The following TLR4 variants were observed in gnomAD, a reference collection of about 807,000 sequenced individuals.
TLR4 encodes toll like receptor 4.
In TLR4, 17 loss-of-function variants were observed where a neutral mutation model predicts 27.4. That is an observed-to-expected ratio of 0.62 (90% CI 0.42 to 0.93). The LOEUF (loss-of-function observed/expected upper bound fraction) is 0.93, where lower values mean the gene tolerates loss of function less well. TLR4 is among the 40% of genes least tolerant of loss of function. The probability of loss-of-function intolerance (pLI) is 0.00; values close to 1 mark genes in which losing one functional copy is unlikely to be tolerated. For missense variants in TLR4, 926 were observed against 962.3 expected (o/e 0.96, Z 0.50); for synonymous variants, 363 against 365.7 (o/e 0.99, Z 0.08).
rs1280345843 is a variant in TLR4 at position 117,708,669 on chromosome 9, G to A, written c.200G>A (p.Arg67Lys). The A allele has an allele frequency of 1.2e-6, 2 of 1,613,926 alleles. No homozygotes were observed. The highest frequency in any genetic ancestry group is 1.7e-6 in the Non-Finnish European group (2 of 1,179,860). The change falls in exon 2 of 3, where the codon AGG becomes AAG. Residue 67 changes from arginine to lysine, a missense_variant. Transcript: ENST00000355622. ...CTGGACCTGAGCTTTAATCCCCTGA[G>A]GCATTTAGGCAGCTATAGCTTCTTC... ...KNLDLSFNPLRHLGSYSFFSF... is the reference protein window; with the variant it reads ...KNLDLSFNPLKHLGSYSFFSF...
rs200493176 is a variant in TLR4, at chr9:117,716,467, A to G, written c.*1819A>G. On this transcript the variant is annotated 3_prime_UTR_variant, in exon 3 of 3. Transcript: ENST00000355622. ...TATGTAAAATGAGCAAGTAACAGAA[A>G]GACAAATACTGCCTGATTTCATTTA... is the stretch of plus-strand genomic sequence containing the variant. 6.6e-6 allele frequency: 1 copy of G among 152,254 alleles called. No homozygotes were observed. Among genetic ancestry groups the G allele is most frequent in the African/African-American group, 2.4e-5 (1 of 41,466 alleles). The allele number at this position is 152,254 out of a possible 1,614,324, so 9.4% of individuals were successfully genotyped here. A position where few individuals can be genotyped will look rare whatever the true frequency, so the allele number is the denominator to read the frequency against.
rs765582937 is a variant in TLR4 at position 117,714,486 on chromosome 9, C to T, written c.2358C>T (p.Tyr786=). The T allele has an allele frequency of 1.9e-6, 3 of 1,613,786 alleles. No homozygotes were observed. The highest frequency in any genetic ancestry group is 2.2e-5 in the South Asian group (2 of 91,062). Residue 786 remains tyrosine, a synonymous_variant, in exon 3 of 3, where the codon TAC becomes TAT. Coordinates refer to ENST00000355622, the MANE Select transcript of TLR4 (RefSeq NM_138554.5). ...TGCTCAGGCAGCAGGTGGAGCTGTACCGCCTTCTCAGCAGGAACACTTACC... is the reference window on the plus strand; with the variant it reads ...TGCTCAGGCAGCAGGTGGAGCTGTATCGCCTTCTCAGCAGGAACACTTACC... ...KTLLRQQVEL[Y]RLLSRNTYLE...
rs749154041 is a variant in TLR4, at chr9:117,712,649, TGACCAATCTAGAGCACTTG to T, written c.526_544del (p.Asn176PhefsTer27). On this transcript the variant is annotated frameshift_variant, in exon 3 of 3. Coordinates refer to ENST00000355622, the MANE Select transcript of TLR4 (RefSeq NM_138554.5). LOFTEE classifies it low-confidence loss of function (END_TRUNC). ...AAATTACCTGAGTATTTTTCTAATC[TGACCAATCTAGAGCACTTG>T]GACCTTTCCAGCAACAAGATTCAAA... The T allele has an allele frequency of 1.4e-4, 220 of 1,613,984 alleles. 1 individual carries two copies. The South Asian group carries it at 2.3e-3, about 17-fold the overall frequency.
rs1259261976 is a variant in TLR4 at position 117,716,530 on chromosome 9, G to T, written c.*1882G>T. The T allele has an allele frequency of 3.3e-5, 5 of 152,164 alleles. No individual in the cohort carries two copies. Among genetic ancestry groups the T allele is most frequent in the African/African-American group, 1.2e-4 (5 of 41,442 alleles). 9.4% of individuals were successfully genotyped at this position (152,164 alleles called of 1,614,324 possible). On this transcript the variant is annotated 3_prime_UTR_variant, in exon 3 of 3. Coordinates refer to ENST00000355622, the MANE Select transcript of TLR4 (RefSeq NM_138554.5). ...AAATAGTCAAACTCATAGAAGCAGA[G>T]AATAGAACAGTGGTTCCTAGGGAAA...
In TLR4 at chr9:117,721,165, TGTTAGC is replaced by T. The variant is rs1829418546; in HGVS notation, c.*6520_*6525del. On this transcript the variant is annotated 3_prime_UTR_variant, in exon 3 of 3. Coordinates refer to ENST00000355622, the MANE Select transcript of TLR4 (RefSeq NM_138554.5). The stretch of plus-strand genomic sequence containing the variant: ...TATTGCATAATGGTTTAGTCTGGGC[TGTTAGC>T]GTAACCATCAACTGAACAGTGTACT... 1 of 152,216 alleles carries T rather than the reference TGTTAGC, an allele frequency of 6.6e-6. No homozygotes were observed. The highest frequency in any genetic ancestry group is 1.5e-5 in the Non-Finnish European group (1 of 68,030). The allele number at this position is 152,216 out of a possible 1,614,324, so 9.4% of individuals were successfully genotyped here. A position where few individuals can be genotyped will look rare whatever the true frequency, so the allele number is the denominator to read the frequency against.
At chr9:117,710,910 T>G (rs996477794) in intron 2 of TLR4, among the ~76,000 whole-genome samples, 2 of 152,144 alleles carry the variant, frequency 1.3e-5, no homozygotes, top group Non-Finnish European at 2.9e-5. Flanking sequence ...TTCTCTAAAG[T>G]GATTATCACC....
chr9:117,712,431 A>C lies in TLR4; in HGVS notation c.303A>C (p.Leu101=). ...TTGAAGATGGGGCATATCAGAGCCT[A>C]AGCCACCTCTCTACCTTAATATTGA... ...QTIEDGAYQS[L]SHLSTLILTG... is the part of the protein sequence containing the mutation. The change falls in exon 3 of 3, where the codon CTA becomes CTC. Residue 101 remains leucine, a synonymous_variant. Coordinates refer to ENST00000355622, the MANE Select transcript of TLR4 (RefSeq NM_138554.5). 6.2e-7 allele frequency: 1 copy of C among 1,613,882 alleles called. No homozygotes were observed. The highest frequency in any genetic ancestry group is 8.5e-7 in the Non-Finnish European group (1 of 1,179,890).
rs929598568 is a variant in TLR4 at position 117,714,499 on chromosome 9, A to C, written c.2371A>C (p.Arg791=). 4 of 1,613,732 alleles carry C rather than the reference A, an allele frequency of 2.5e-6. No homozygotes were observed. Among genetic ancestry groups the C allele is most frequent in the African/African-American group, 2.7e-5 (2 of 74,932 alleles). The change falls in exon 3 of 3, where the codon AGG becomes CGG. Residue 791 remains arginine, a synonymous_variant. Transcript: ENST00000355622. ...QQVELYRLLS[R]NTYLEWEDSV... ...GGTGGAGCTGTACCGCCTTCTCAGC[A>C]GGAACACTTACCTGGAGTGGGAGGA...
chr9:117,714,234 A>G lies in TLR4; in HGVS notation c.2106A>G (p.Pro702=), dbSNP rs200111060. 1.9e-6 allele frequency: 3 copies of G among 1,604,874 alleles called. No homozygotes were observed. The highest frequency in any genetic ancestry group is 2.6e-6 in the Non-Finnish European group (3 of 1,172,460). ...LVKNLEEGVP[P]FQLCLHYRDF... is the part of the protein sequence containing the mutation. The stretch of plus-strand genomic sequence containing the variant: ...AGAATTTAGAAGAAGGGGTGCCTCC[A>G]TTTCAGCTCTGCCTTCACTACAGAG... The change falls in exon 3 of 3, where the codon CCA becomes CCG. Residue 702 remains proline (P), a synonymous_variant. Coordinates refer to ENST00000355622, the MANE Select transcript of TLR4 (RefSeq NM_138554.5).
rs1358568494 is a variant in TLR4 at position 117,721,865 on chromosome 9, T to C, written c.*7217T>C. The C allele has an allele frequency of 6.6e-6, 1 of 152,206 alleles. No homozygotes were observed. The highest frequency in any genetic ancestry group is 1.5e-5 in the Non-Finnish European group (1 of 68,040). 9.4% of individuals were successfully genotyped at this position (152,206 alleles called of 1,614,324 possible). A position where few individuals can be genotyped will look rare whatever the true frequency, so the allele number is the denominator to read the frequency against. On this transcript the variant is annotated 3_prime_UTR_variant, in exon 3 of 3. Transcript: ENST00000355622. ...ATAGCCCAGGCAAGGTCAGATAATG[T>C]ATTTTTATTTTACACTGTATAGTTG...
rs193174534 is a variant in TLR4, at chr9:117,716,907, A to G, written c.*2259A>G. On this transcript the variant is annotated 3_prime_UTR_variant, in exon 3 of 3. Transcript: ENST00000355622. ...ATGAAGCTATAAAAAAGAAAAGACA[A>G]CAAAATTCAGTTGTCAAAACTGGAA... 1 of 152,212 alleles carries G rather than the reference A, an allele frequency of 6.6e-6. No individual in the cohort carries two copies. Among genetic ancestry groups the G allele is most frequent in the Non-Finnish European group, 1.5e-5 (1 of 68,046 alleles). The allele number at this position is 152,212 out of a possible 1,614,324, so 9.4% of individuals were successfully genotyped here.
At chr9:117,706,319 C>A (rs1459274962) in intron 1 of TLR4, among the ~76,000 whole-genome samples, 1 of 152,156 alleles carries the variant, frequency 6.6e-6, no homozygotes, top group Admixed American at 6.6e-5. Flanking sequence ...CACTTATTTG[C>A]CTCAAATCCC....
Position 117,713,839 on chromosome 9 carries a change from C to T in TLR4, c.1711C>T (p.Leu571=). The stretch of plus-strand genomic sequence containing the variant: ...GGAACTACAGCATTTTCCAAGTAGT[C>T]TAGCTTTCTTAAATCTTACTCAGAA... ...KQELQHFPSS[L]AFLNLTQNDF... Residue 571 remains leucine (L), a synonymous_variant, in exon 3 of 3, where the codon CTA becomes TTA. Transcript: ENST00000355622. The T allele has an allele frequency of 5.6e-6, 9 of 1,614,028 alleles. No individual in the cohort carries two copies. Among genetic ancestry groups the T allele is most frequent in the Middle Eastern group, 1.6e-4 (1 of 6,062 alleles).
In TLR4 at chr9:117,724,633, G is replaced by C. The variant is rs540139012; in HGVS notation, c.*9985G>C. ...GTTCTGATCCTGTCTTATGGTATCT[G>C]TCTTGTTTGTCTCGGCTTAAAATGG... On this transcript the variant is annotated 3_prime_UTR_variant, in exon 3 of 3. Transcript: ENST00000355622. The C allele has an allele frequency of 6.6e-5, 10 of 152,108 alleles. No individual in the cohort carries two copies. Among genetic ancestry groups the C allele is most frequent in the African/African-American group, 9.7e-5 (4 of 41,404 alleles). The allele number at this position is 152,108 out of a possible 1,614,324, so 9.4% of individuals were successfully genotyped here.
Position 117,714,040 on chromosome 9 carries a change from G to A in TLR4, c.1912G>A (p.Val638Ile). The A allele has an allele frequency of 6.2e-7, 1 of 1,613,912 alleles. No homozygotes were observed. Among genetic ancestry groups the A allele is most frequent in the South Asian group, 1.1e-5 (1 of 91,078 alleles). ...GAATAAGACCATCATTGGTGTGTCG[G>A]TCCTCAGTGTGCTTGTAGTATCTGT... ...QMNKTIIGVS[V>I]LSVLVVSVVA... Residue 638 changes from valine to isoleucine, a missense_variant, in exon 3 of 3, where the codon GTC becomes ATC. Physicochemically the swap from Val to Ile is conservative, Grantham distance 29. Transcript: ENST00000355622.
chr9:117,709,933 A>T (rs11536879), intron 2 of TLR4, among the ~76,000 whole-genome samples: 3 of 152,026 alleles, frequency 2.0e-5, no homozygotes, highest in Non-Finnish European at 4.4e-5. Flanking sequence ...CTTAGTTTTC[A>T]TATCTGATCA....
Position 117,708,738 on chromosome 9 carries a change from T to G in TLR4, c.260+9T>G. The G allele has an allele frequency of 6.2e-7, 1 of 1,613,664 alleles. No homozygotes were observed. The highest frequency in any genetic ancestry group is 2.2e-5 in the East Asian group (1 of 44,854). Reference sequence around the variant, plus strand: ...GTGCTGGATTTATCCAGGTAATGAATCCACTTTTACATACTGCACAAGGTG... The same window carrying G: ...GTGCTGGATTTATCCAGGTAATGAAGCCACTTTTACATACTGCACAAGGTG... On this transcript the variant is annotated intron_variant, in intron 2 of 2. Transcript: ENST00000355622.
chr9:117,717,396 GA>G lies in TLR4; in HGVS notation c.*2749del, dbSNP rs1275820204. 6.6e-6 allele frequency: 1 copy of G among 152,012 alleles called. No homozygotes were observed. The highest frequency in any genetic ancestry group is 1.5e-5 in the Non-Finnish European group (1 of 68,000). The allele number at this position is 152,012 out of a possible 1,614,324, so 9.4% of individuals were successfully genotyped here. ...ATCTTCTGAATTAGGCACAGTAAGA[GA>G]TTAACAATAACTAACAATAAAATTG... On this transcript the variant is annotated 3_prime_UTR_variant, in exon 3 of 3. Transcript: ENST00000355622.
rs1443770411 is a variant in TLR4, at chr9:117,718,699, C to G, written c.*4051C>G. ...AGAACTATGACTTTGTAAGGTTGCT[C>G]TAAGGATTGAAAATCATGTATTATG... is the stretch of plus-strand genomic sequence containing the variant. On this transcript the variant is annotated 3_prime_UTR_variant, in exon 3 of 3. Coordinates refer to ENST00000355622, the MANE Select transcript of TLR4 (RefSeq NM_138554.5). The G allele has an allele frequency of 1.3e-5, 2 of 152,080 alleles. No individual in the cohort carries two copies. The highest frequency in any genetic ancestry group is 3.9e-4 in the East Asian group (2 of 5,188). 9.4% of individuals were successfully genotyped at this position (152,080 alleles called of 1,614,324 possible). A position where few individuals can be genotyped will look rare whatever the true frequency, so the allele number is the denominator to read the frequency against.
Sources: gnomAD v4.1 joint callset for allele counts (sites outside exome capture counted in the v4.1 genomes callset) on GRCh38, gnomAD v4.1.1 for gene constraint, MANE v1.5 for transcripts, NCBI Gene and HGNC (gene_info 2026-07-23, HGNC 2026-07-21) for gene names.